Variants in ATG10 observed in about 807,000 individuals in gnomAD.
ATG10 encodes autophagy related 10, also known as ubiquitin-like-conjugating enzyme ATG10.
Under a neutral mutation model 32.1 loss-of-function variants are expected in ATG10, and 30 were observed. That is an observed-to-expected ratio of 0.94 (90% CI 0.70 to 1.27). The LOEUF (loss-of-function observed/expected upper bound fraction) is 1.27, where lower values mean the gene tolerates loss of function less well. ATG10 is among the 50% of genes most tolerant of loss of function. The pLI, the probability that ATG10 is intolerant of heterozygous loss-of-function variation, is 0.00. For synonymous variants in ATG10, 87 were observed against 91.5 expected (o/e 0.95, Z 0.28); for missense variants, 233 against 262.3 (o/e 0.89, Z 0.77).
intron 2 of ATG10, among the ~76,000 whole-genome samples, chr5:82,053,632 C>T (rs1177291713): frequency 7.0e-6 from 1 of 142,108 alleles, no homozygotes; most frequent in Non-Finnish European, 1.6e-5. Flanking sequence ...ATTTAGATAA[C>T]TGGAAGAGTT....
intron 1 of ATG10, among the ~76,000 whole-genome samples, chr5:81,982,821 CTTAATCCAT>C (rs1761095860): frequency 6.6e-6 from 1 of 152,232 alleles, no homozygotes; most frequent in African/African-American, 2.4e-5. Flanking sequence ...TTGCACCGCC[CTTAATCCAT>C]TTAACCCCGA....
intron 2 of ATG10, among the ~76,000 whole-genome samples, chr5:82,019,224 A>G (rs1193207340): frequency 3.9e-5 from 6 of 152,228 alleles, no homozygotes; most frequent in Non-Finnish European, 5.9e-5. Flanking sequence ...TGAAAACACC[A>G]TAACATTTAC....
At chr5:81,994,206 C>G (rs1761593275) in intron 2 of ATG10, among the ~76,000 whole-genome samples, 1 of 152,112 alleles carries the variant, frequency 6.6e-6, no homozygotes, top group South Asian at 2.1e-4. Flanking sequence ...AGTTTGGGCT[C>G]TCTCTTGTCA....
intron 2 of ATG10, among the ~76,000 whole-genome samples, chr5:81,991,062 A>G (rs1761438162): frequency 6.6e-6 from 1 of 152,246 alleles, no homozygotes; most frequent in Non-Finnish European, 1.5e-5. Flanking sequence ...CTGCCTCAGC[A>G]CATGCTATTG....
At chr5:81,993,549 C>G (rs1761571289) in intron 2 of ATG10, among the ~76,000 whole-genome samples, 1 of 150,944 alleles carries the variant, frequency 6.6e-6, no homozygotes, top group South Asian at 2.1e-4. Context: ...CTACCTCAGC[C>G]TCTGAGTAGC....
chr5:82,055,790 G>A (rs1161776878), intron 2 of ATG10, among the ~76,000 whole-genome samples: 1 of 152,148 alleles, frequency 6.6e-6, no homozygotes, highest in Non-Finnish European at 1.5e-5. Flanking sequence ...CAGACCACAT[G>A]TACAGTGTTC....
At chr5:82,100,032 G>T in intron 3 of ATG10, among the ~76,000 whole-genome samples, 1 of 82,698 alleles carries the variant, frequency 1.2e-5, no homozygotes, top group African/African-American at 5.1e-5. Flanking sequence ...TTTTTGAGCT[G>T]GAGTCTCGCT....
intron 3 of ATG10, among the ~76,000 whole-genome samples, chr5:82,138,719 A>G (rs1323939439): frequency 6.6e-6 from 1 of 152,142 alleles, no homozygotes; most frequent in Non-Finnish European, 1.5e-5. Flanking sequence ...TAGCAGTTAA[A>G]AATATTTTTG....
At chr5:82,107,995 A>C (rs1207487562) in intron 3 of ATG10, among the ~76,000 whole-genome samples, 1 of 152,070 alleles carries the variant, frequency 6.6e-6, no homozygotes, top group Non-Finnish European at 1.5e-5. Context: ...GAGGCTAGAT[A>C]GAACCTGGTT....
chr5:82,066,904 G>A (rs1368752343), intron 3 of ATG10, among the ~76,000 whole-genome samples: 1 of 152,276 alleles, frequency 6.6e-6, no homozygotes, highest in African/African-American at 2.4e-5. Flanking sequence ...AACTATAGAT[G>A]TATTGATAGA....
chr5:82,027,639 C>T (rs901283102), intron 2 of ATG10, among the ~76,000 whole-genome samples: 13 of 152,176 alleles, frequency 8.5e-5, no homozygotes, highest in African/African-American at 3.1e-4. Context: ...GTTCCTTACA[C>T]TTAAAAAATA....
At chr5:81,983,108 C>T (rs1429755457) in intron 1 of ATG10, among the ~76,000 whole-genome samples, 1 of 151,952 alleles carries the variant, frequency 6.6e-6, no homozygotes, top group Non-Finnish European at 1.5e-5. Context: ...CAGAGGGGCT[C>T]CTCACTTCCC....
At chr5:82,114,264 A>G (rs1390525599) in intron 3 of ATG10, among the ~76,000 whole-genome samples, 4 of 152,026 alleles carry the variant, frequency 2.6e-5, no homozygotes, top group Non-Finnish European at 1.5e-5. Context: ...CTGAAGCACA[A>G]GAAGTGTCCT....
chr5:82,013,913 A>G (rs188726275), intron 2 of ATG10, among the ~76,000 whole-genome samples: 18 of 152,030 alleles, frequency 1.2e-4, no homozygotes, highest in African/African-American at 4.1e-4. Flanking sequence ...GTCATTTGTC[A>G]TATTTACAGA....
chr5:82,109,367 A>C (rs952895441), intron 3 of ATG10, among the ~76,000 whole-genome samples: 1 of 152,064 alleles, frequency 6.6e-6, no homozygotes. Context: ...TTAGTTGGGC[A>C]CTAAAATACA....
chr5:82,082,152 G>A (rs529504745), intron 3 of ATG10, among the ~76,000 whole-genome samples: 1 of 148,844 alleles, frequency 6.7e-6, no homozygotes, highest in Non-Finnish European at 1.5e-5. Flanking sequence ...GATGAGATTT[G>A]GGGGGGGGGA....
At chr5:82,197,444 C>G (rs1384134085) in intron 5 of ATG10, among the ~76,000 whole-genome samples, 1 of 141,692 alleles carries the variant, frequency 7.1e-6, no homozygotes, top group Non-Finnish European at 1.5e-5. Context: ...ATCTATCTAT[C>G]TATCTATCTG....
At chr5:82,104,543 A>G (rs1160891905) in intron 3 of ATG10, among the ~76,000 whole-genome samples, 2 of 152,112 alleles carry the variant, frequency 1.3e-5, no homozygotes, top group Non-Finnish European at 2.9e-5. Flanking sequence ...CTGATTTAAC[A>G]TCCGATTTTA....
At chr5:82,060,585 G>C (rs1426317730) in intron 3 of ATG10, among the ~76,000 whole-genome samples, 1 of 152,170 alleles carries the variant, frequency 6.6e-6, no homozygotes, top group Admixed American at 6.6e-5. Context: ...CATGTCGGCC[G>C]GGTGCGGTGG....
Sources: gnomAD v4.1 joint callset for allele counts (sites outside exome capture counted in the v4.1 genomes callset) on GRCh38, gnomAD v4.1.1 for gene constraint, MANE v1.5 for transcripts, NCBI Gene and HGNC (gene_info 2026-07-23, HGNC 2026-07-21) for gene names.